ZNF222: variants seen among roughly 807,000 people sequenced by gnomAD.
ZNF222 encodes zinc finger protein 222.
A neutral mutation model predicts 11.6 loss-of-function variants in ZNF222; 8 were observed. That is an observed-to-expected ratio of 0.69 (90% CI 0.41 to 1.25). The LOEUF (loss-of-function observed/expected upper bound fraction) is 1.25, where lower values mean the gene tolerates loss of function less well. Ranked by LOEUF, ZNF222 falls within the 50% of genes most tolerant of loss-of-function variation. ZNF222 has a pLI of 0.01. For synonymous variants in ZNF222, 171 were observed against 195.6 expected, an observed-to-expected ratio of 0.87 and a Z score of 1.05; for missense variants, 483 against 576.1, an observed-to-expected ratio of 0.84 and a Z score of 1.65.
At position 44,032,052 on chromosome 19, in the gene ZNF222, C is replaced by T. The variant is rs373181779; in HGVS notation, c.498C>T (p.Phe166=). Residue 166 remains phenylalanine, a synonymous_variant, in exon 4 of 4, where the codon TTC becomes TTT. Transcript: ENST00000391960. The part of the protein sequence containing the change: ...PFQGENCKQF[F]SDVSFFDLPQ... ...AGGGTGAAAATTGTAAACAGTTCTT[C>T]AGTGATGTTTCCTTCTTTGATCTTC... 1.9e-6 allele frequency: 3 copies of T among 1,614,204 alleles called. No homozygotes were observed. The highest frequency in any genetic ancestry group is 4.5e-5 in the East Asian group (2 of 44,874).
In ZNF222 at chr19:44,032,368, G is replaced by C; in HGVS notation, c.814G>C (p.Glu272Gln). Reference sequence around the variant, plus strand: ...CATGAGAGAGAAACCTTATAATTGTGAGAAATGTGGGAAGGCTTTCATGCA... The same window carrying C: ...CATGAGAGAGAAACCTTATAATTGTCAGAAATGTGGGAAGGCTTTCATGCA... ...LHMREKPYNC[E>Q]KCGKAFMHNF... Residue 272 changes from glutamate (E) to glutamine (Q), a missense_variant, in exon 4 of 4, where the codon GAG becomes CAG. By Grantham distance (29) the Glu-to-Gln change is conservative. Transcript: ENST00000391960. 1 of 1,614,204 alleles carries C rather than the reference G, an allele frequency of 6.2e-7. No homozygotes were observed. Among genetic ancestry groups the C allele is most frequent in the Non-Finnish European group, 8.5e-7 (1 of 1,180,040 alleles).
Position 44,027,230 on chromosome 19 carries a change from G to A in ZNF222, c.169+81G>A, listed in dbSNP as rs1474782670. 6 of 1,595,398 alleles carry A rather than the reference G, an allele frequency of 3.8e-6. No individual in the cohort carries two copies. The Admixed American group carries it at 1.0e-4, about 28-fold the overall frequency. The stretch of plus-strand genomic sequence containing the variant: ...TCCTAGGGTTTTCAAGTTTGAGTGT[G>A]CAGTGAGAACCTACATTTCCAGTAA... On this transcript the variant is annotated intron_variant, in intron 2 of 3. Coordinates refer to ENST00000391960, the MANE Select transcript of ZNF222 (RefSeq NM_001129996.2).
intron 1 of ZNF222, chr19:44,026,099 T>C (rs1457654558): frequency 1.2e-6 from 2 of 1,613,530 alleles, no homozygotes; most frequent in Non-Finnish European, 1.7e-6. Context: ...GAGTGATCCT[T>C]GGCTTTTTTT....
intron 3 of ZNF222, among the ~76,000 whole-genome samples, chr19:44,029,191 GTTTTTTT>G (rs1171435860): frequency 3.4e-4 from 21 of 62,042 alleles, no homozygotes; most frequent in South Asian, 1.1e-3. Context: ...GTTTTGTTTT[GTTTTTTT>G]TTTTTTTTTT....
intron 3 of ZNF222, 90 bp from the exon 4 acceptor site, chr19:44,031,727 C>A: frequency 7.0e-7 from 1 of 1,423,070 alleles, no homozygotes; most frequent in Non-Finnish European, 9.6e-7. Flanking sequence ...ACAGTCCACC[C>A]GCCTCGGCCT....
chr19:44,031,794 G>A (rs1298938130), intron 3 of ZNF222, 23 bp from the exon 4 acceptor site: 5 of 1,603,508 alleles, frequency 3.1e-6, no homozygotes, highest in Non-Finnish European at 4.3e-6. Context: ...TTGTCCACAT[G>A]TCTTAATTCT....
At chr19:44,029,659 A>G (rs961916634) in intron 3 of ZNF222, among the ~76,000 whole-genome samples, 1 of 152,212 alleles carries the variant, frequency 6.6e-6, no homozygotes, top group South Asian at 2.1e-4. Context: ...CCTTCTCTTT[A>G]AAGACTTATT....
chr19:44,030,789 G>A (rs894161486), intron 3 of ZNF222, among the ~76,000 whole-genome samples: 28 of 152,182 alleles, frequency 1.8e-4, no homozygotes, highest in Admixed American at 1.8e-3. Context: ...ATTCCCATGT[G>A]GTTGTTTAGT....
Position 44,032,094 on chromosome 19 carries a change from AG to A in ZNF222, c.542del (p.Gly181GlufsTer30). 2 of 1,614,242 alleles carry A rather than the reference AG, an allele frequency of 1.2e-6. No homozygotes were observed. ...TTGATCTTCCTCAGCAGTTATATTCAGGAGAGAAGTCTCATACCTGTGATGA... is the reference window on the plus strand; with the variant it reads ...TTGATCTTCCTCAGCAGTTATATTCAGAGAGAAGTCTCATACCTGTGATGA... ...FFDLPQQLYSGEKSHTCDECG... is the reference protein window; with the variant it reads ...FFDLPQQLYSXEKSHTCDECG... On this transcript the variant is annotated frameshift_variant, in exon 4 of 4. Transcript: ENST00000391960. LOFTEE classifies it low-confidence loss of function (END_TRUNC).
chr19:44,028,610 A>G (rs1809305884), intron 3 of ZNF222, among the ~76,000 whole-genome samples: 1 of 152,152 alleles, frequency 6.6e-6, no homozygotes, highest in Admixed American at 6.5e-5. Context: ...TCTACTGATA[A>G]GTCGCCCCTC....
chr19:44,025,435 C>T lies in ZNF222; in HGVS notation c.-2C>T. On this transcript the variant is annotated 5_prime_UTR_variant, in exon 1 of 4. Transcript: ENST00000391960. This position sits in a 1 kb window ranked among gnomAD's most constrained non-coding sequence, Gnocchi z 4.6. ...CCTTTCCTTGGGGCTCGCAACCACC[C>T]AATGATCGATTCAGGAGAAAAGAAG... 6.4e-7 allele frequency: 1 copy of T among 1,551,610 alleles called. No homozygotes were observed. Among genetic ancestry groups the T allele is most frequent in the Non-Finnish European group, 8.7e-7 (1 of 1,146,950 alleles).
rs140562272 is a variant in ZNF222 at position 44,028,390 on chromosome 19, A to G, written c.262+900A>G. On this transcript the variant is annotated intron_variant, in intron 3 of 3. Transcript: ENST00000391960. ...TTCAGGAATGATTATTTTCTCTACT[A>G]CAAAAGCTTCTGCCTCCGAGCCCTC... 2.3e-3 allele frequency: 908 copies of G among 396,526 alleles called. 12 individuals carry two copies. The highest frequency in any genetic ancestry group is 0.017 in the African/African-American group (818 of 48,726). The allele number at this position is 396,526 out of a possible 1,614,324, so 24.6% of individuals were successfully genotyped here. A position where few individuals can be genotyped will look rare whatever the true frequency, so the allele number is the denominator to read the frequency against.
intron 3 of ZNF222, 24 bp downstream of exon 3, chr19:44,027,514 C>T (rs1976405938): frequency 1.3e-6 from 2 of 1,599,976 alleles, no homozygotes; most frequent in East Asian, 2.2e-5. Context: ...AATTGTGTGT[C>T]CCTGCATGTG....
chr19:44,031,292 A>T (rs573225662), intron 3 of ZNF222, among the ~76,000 whole-genome samples: 1 of 152,220 alleles, frequency 6.6e-6, no homozygotes, highest in East Asian at 1.9e-4. Flanking sequence ...TACATATGAG[A>T]CATGGTGTGG....
intron 3 of ZNF222, 113 bp downstream of exon 3, chr19:44,027,603 C>A: frequency 1.0e-6 from 1 of 990,936 alleles, no homozygotes; most frequent in Non-Finnish European, 1.5e-6. Context: ...TTATTACAGC[C>A]TTCTCCCTGC....
Position 44,032,056 on chromosome 19 carries a change from G to C in ZNF222, c.502G>C (p.Asp168His). The C allele has an allele frequency of 6.2e-7, 1 of 1,614,198 alleles. No individual in the cohort carries two copies. Among genetic ancestry groups the C allele is most frequent in the Non-Finnish European group, 8.5e-7 (1 of 1,180,030 alleles). Reference protein sequence around the residue: ...QGENCKQFFSDVSFFDLPQQL... With the variant: ...QGENCKQFFSHVSFFDLPQQL... The stretch of plus-strand genomic sequence containing the variant: ...TGAAAATTGTAAACAGTTCTTCAGT[G>C]ATGTTTCCTTCTTTGATCTTCCTCA... The change falls in exon 4 of 4, where the codon GAT (aspartate) becomes CAT (histidine). Residue 168 changes from aspartate to histidine, a missense_variant. Coordinates refer to ENST00000391960, the MANE Select transcript of ZNF222 (RefSeq NM_001129996.2).
chr19:44,031,657 G>A (rs1976502053), intron 3 of ZNF222, among the ~76,000 whole-genome samples, 160 bp from the exon 4 acceptor site: 1 of 151,852 alleles, frequency 6.6e-6, no homozygotes, highest in Non-Finnish European at 1.5e-5. Context: ...TAATTTTTGT[G>A]TTTTTAGTAG....
At position 44,032,908 on chromosome 19, in the gene ZNF222, T is replaced by C. The variant is rs1280972018; in HGVS notation, c.1354T>C (p.Cys452Arg). ...CGKRLVCRSY[C>R]KDQQRDHSGE... ...AAAGAGGCTTGTATGCCGGTCATAC[T>C]GTAAAGACCAACAAAGAGACCACAG... is the stretch of plus-strand genomic sequence containing the variant. Residue 452 changes from cysteine (C) to arginine (R), a missense_variant, in exon 4 of 4, where the codon TGT becomes CGT. Cys to Arg is a radical substitution (Grantham distance 180). Coordinates refer to ENST00000391960, the MANE Select transcript of ZNF222 (RefSeq NM_001129996.2). 1.9e-6 allele frequency: 3 copies of C among 1,613,484 alleles called. No individual in the cohort carries two copies. The highest frequency in any genetic ancestry group is 1.7e-5 in the Admixed American group (1 of 59,860).
chr19:44,031,867 GA>G lies in ZNF222; in HGVS notation c.315del (p.Glu106AsnfsTer15). On this transcript the variant is annotated frameshift_variant, in exon 4 of 4. Coordinates refer to ENST00000391960, the MANE Select transcript of ZNF222 (RefSeq NM_001129996.2). LOFTEE classifies it low-confidence loss of function (END_TRUNC). ...METVPEAGTHEEFSCKQIWEQ... is the reference protein window; with the variant it reads ...METVPEAGTHXEFSCKQIWEQ... ...GACTGTTCCAGAAGCAGGAACACATGAAGAATTTTCCTGCAAGCAAATTTGG... is the reference window on the plus strand; with the variant it reads ...GACTGTTCCAGAAGCAGGAACACATGAGAATTTTCCTGCAAGCAAATTTGG... 6.2e-7 allele frequency: 1 copy of G among 1,614,156 alleles called. No individual in the cohort carries two copies. The highest frequency in any genetic ancestry group is 8.5e-7 in the Non-Finnish European group (1 of 1,180,010).
Sources: allele counts gnomAD v4.1 joint callset (sites outside exome capture counted in the v4.1 genomes callset), GRCh38; gene constraint gnomAD v4.1.1; non-coding constraint Gnocchi (gnomAD v3.1); transcripts MANE v1.5; gene names NCBI Gene and HGNC (gene_info 2026-07-23, HGNC 2026-07-21).